Variants in LARP1B observed in about 807,000 individuals in gnomAD.
LARP1B encodes the protein la-related protein 1B.
LARP1B carries 76 observed loss-of-function variants against 114.2 expected under a neutral mutation model. The ratio of observed to expected loss-of-function variants is 0.67; its 90% CI spans 0.55 to 0.81. The LOEUF (loss-of-function observed/expected upper bound fraction) is 0.81. LARP1B is among the 30% of genes least tolerant of loss of function. The pLI, the probability that LARP1B is intolerant of heterozygous loss-of-function variation, is 0.00. For missense variants in LARP1B, 1,014 were observed against 1,075.8 expected (o/e 0.94, Z 0.80); for synonymous variants, 345 against 348.0 (o/e 0.99, Z 0.10).
intron 11 of LARP1B, among the ~76,000 whole-genome samples, chr4:128,134,782 T>G (rs774922574): frequency 6.6e-6 from 1 of 152,118 alleles, no homozygotes; most frequent in African/African-American, 2.4e-5. Context: ...AGAAGACTTG[T>G]GTAGATAGTT....
At chr4:128,099,284 TTC>T (rs1779416199) in intron 8 of LARP1B, among the ~76,000 whole-genome samples, 1 of 150,042 alleles carries the variant, frequency 6.7e-6, no homozygotes, top group Admixed American at 6.7e-5. Context: ...TTTTCTTTTT[TTC>T]TTTCTTTTTT....
intron 1 of LARP1B, among the ~76,000 whole-genome samples, chr4:128,063,238 C>T (rs1761003672): frequency 6.7e-6 from 1 of 150,346 alleles, no homozygotes. Context: ...ACCAGGCTGG[C>T]CAATATGGCG....
rs1731552461 is a variant in LARP1B, at chr4:128,149,069, C to T, written c.1525-13125C>T. On this transcript the variant is annotated intron_variant, in intron 11 of 19. Coordinates refer to ENST00000326639, the MANE Select transcript of LARP1B (RefSeq NM_018078.4). ...GGTCAGGACATTATCGAAATGTATT[C>T]ATCCTTTCGTTAGGTTTTTCTTTCT... Among the ~76,000 whole-genome samples the T allele has an allele frequency of 5.3e-5, 8 of 152,234 alleles. No homozygotes were observed. In the South Asian group the frequency reaches 1.7e-3, roughly 31 times the overall value.
rs140634389 is a variant in LARP1B, at chr4:128,072,285, G to A, written c.-77-2175G>A. On this transcript the variant is annotated intron_variant, in intron 1 of 19. Coordinates refer to ENST00000326639, the MANE Select transcript of LARP1B (RefSeq NM_018078.4). ...CAAAGTGGTGGGATTATAGGCGTGA[G>A]CCACTGTGCCCGGCCTAAGAGTAAC... is the stretch of plus-strand genomic sequence containing the variant. Among the ~76,000 whole-genome samples, 889 of 152,232 alleles carry A rather than the reference G, an allele frequency of 5.8e-3. 9 individuals are homozygous for A. The highest frequency in any genetic ancestry group is 0.02 in the African/African-American group (836 of 41,530).
At chr4:128,207,545 A>T (rs981078409) in intron 19 of LARP1B, among the ~76,000 whole-genome samples, 162 bp downstream of exon 19, 1 of 152,236 alleles carries the variant, frequency 6.6e-6, no homozygotes, top group Non-Finnish European at 1.5e-5. Flanking sequence ...GAATTCCCAT[A>T]TACTCTGTTC....
chr4:128,164,467 T>TC (rs1739840960), intron 12 of LARP1B, among the ~76,000 whole-genome samples: 1 of 152,090 alleles, frequency 6.6e-6, no homozygotes, highest in East Asian at 1.9e-4. Context: ...AGAATTAATA[T>TC]CATAGAAATC....
At chr4:128,090,797 G>A (rs1383542721) in intron 5 of LARP1B, among the ~76,000 whole-genome samples, 2 of 152,182 alleles carry the variant, frequency 1.3e-5, no homozygotes, top group East Asian at 1.9e-4. Context: ...TCATGTGTCA[G>A]TACCTTTTAG....
chr4:128,179,716 TTTAAA>T (rs779739632), intron 15 of LARP1B, among the ~76,000 whole-genome samples: 65 of 152,324 alleles, frequency 4.3e-4, no homozygotes, highest in Admixed American at 3.1e-3. Context: ...TTTTTTCCCA[TTTAAA>T]TTATTTTTCA....
At chr4:128,176,047 T>C (rs568640473) in intron 12 of LARP1B, among the ~76,000 whole-genome samples, 3 of 150,042 alleles carry the variant, frequency 2.0e-5, no homozygotes, top group Non-Finnish European at 4.4e-5. Context: ...TTTTTCAGTA[T>C]ATGTTCATGT....
At chr4:128,090,188 T>C (rs934410475) in intron 5 of LARP1B, among the ~76,000 whole-genome samples, 1 of 151,962 alleles carries the variant, frequency 6.6e-6, no homozygotes, top group Admixed American at 6.6e-5. Context: ...TTCTCCTCCT[T>C]CAGCCTCCCG....
In LARP1B at chr4:128,103,155, A is replaced by C. The variant is rs73848724; in HGVS notation, c.814-3984A>C. The stretch of plus-strand genomic sequence containing the variant: ...GTAACTCATTGTTTAGGAGTTCAGG[A>C]TTACCAAGGCTTGGTTTTATAACTC... On this transcript the variant is annotated intron_variant, in intron 8 of 19. Coordinates refer to ENST00000326639, the MANE Select transcript of LARP1B (RefSeq NM_018078.4). 9.8e-3 allele frequency among the ~76,000 whole-genome samples: 1,497 copies of C among 152,246 alleles called. 22 individuals carry two copies. The highest frequency in any genetic ancestry group is 0.033 in the African/African-American group (1,368 of 41,538).
chr4:128,193,608 A>G (rs1468118621), intron 15 of LARP1B, among the ~76,000 whole-genome samples: 1 of 150,770 alleles, frequency 6.6e-6, no homozygotes, highest in East Asian at 1.9e-4. Flanking sequence ...TTTTTATTTT[A>G]TTTTTTTATT....
At chr4:128,117,217 T>C (rs1786180413) in intron 10 of LARP1B, among the ~76,000 whole-genome samples, 1 of 151,506 alleles carries the variant, frequency 6.6e-6, no homozygotes, top group South Asian at 2.1e-4. Context: ...TTTTTTTTTT[T>C]TTTTGAGACA....
chr4:128,207,424 T>C, intron 19 of LARP1B, 41 bp downstream of exon 19: 2 of 1,333,540 alleles, frequency 1.5e-6, no homozygotes, highest in Non-Finnish European at 2.0e-6. Flanking sequence ...TTATTATCCA[T>C]ATATTTCAGT....
At chr4:128,079,604 C>T (rs547720130) in intron 4 of LARP1B, among the ~76,000 whole-genome samples, 30 of 152,160 alleles carry the variant, frequency 2.0e-4, no homozygotes, top group African/African-American at 7.2e-4. Context: ...TGCTCTGTCA[C>T]CCAGGCTGGA....
intron 1 of LARP1B, chr4:128,069,228 A>C (rs945417578): frequency 1.9e-6 from 2 of 1,059,458 alleles, no homozygotes; most frequent in Non-Finnish European, 2.9e-6. Flanking sequence ...TGGATCAATG[A>C]GGATAACCTC....
chr4:128,093,249 A>G (rs1363187197), intron 7 of LARP1B, among the ~76,000 whole-genome samples: 1 of 152,128 alleles, frequency 6.6e-6, no homozygotes, highest in East Asian at 1.9e-4. Flanking sequence ...TTGGTTTCTA[A>G]TATATAGATA....
chr4:128,102,669 A>G (rs1054969116), intron 8 of LARP1B, among the ~76,000 whole-genome samples: 1 of 152,192 alleles, frequency 6.6e-6, no homozygotes, highest in Admixed American at 6.6e-5. Context: ...TGTCTTCCCC[A>G]TAATTGAAAG....
intron 11 of LARP1B, among the ~76,000 whole-genome samples, chr4:128,144,807 A>G (rs1729613672): frequency 6.6e-6 from 1 of 151,866 alleles, no homozygotes; most frequent in Non-Finnish European, 1.5e-5. Context: ...TTGGGCTGCG[A>G]TTTCCTATCT....
Sources: gnomAD v4.1 joint callset for allele counts (sites outside exome capture counted in the v4.1 genomes callset) on GRCh38, gnomAD v4.1.1 for gene constraint, MANE v1.5 for transcripts, NCBI Gene and HGNC (gene_info 2026-07-23, HGNC 2026-07-21) for gene names.